The following GSN variants were observed in gnomAD, a reference collection of about 807,000 sequenced individuals.
The protein encoded by GSN is actin-depolymerizing factor.
A neutral mutation model predicts 85.7 loss-of-function variants in GSN; 56 were observed. The observed-to-expected ratio is 0.65, with a 90% CI of 0.53 to 0.82. The LOEUF (loss-of-function observed/expected upper bound fraction) is 0.82. GSN is among the 40% of genes least tolerant of loss of function. The probability of loss-of-function intolerance (pLI) is 0.00; values close to 1 mark genes in which losing one functional copy is unlikely to be tolerated. For synonymous variants in GSN, 373 were observed against 399.1 expected (o/e 0.93, Z 0.78); for missense variants, 857 against 979.8 (o/e 0.87, Z 1.67).
intron 1 of GSN, among the ~76,000 whole-genome samples, chr9:121,208,078 T>C (rs2053914272): frequency 6.6e-6 from 1 of 152,130 alleles, no homozygotes; most frequent in Non-Finnish European, 1.5e-5. Flanking sequence ...TAAGCCACTG[T>C]GCCTGGCCCA....
chr9:121,218,897 A>T (rs1401061387), intron 4 of GSN, among the ~76,000 whole-genome samples: 3 of 152,166 alleles, frequency 2.0e-5, no homozygotes, highest in Non-Finnish European at 2.9e-5. Flanking sequence ...CCATTTTGGT[A>T]CTGGCAACTT....
chr9:121,245,144 C>A (rs2054674758), intron 5 of GSN, among the ~76,000 whole-genome samples: 1 of 152,188 alleles, frequency 6.6e-6, no homozygotes, highest in Non-Finnish European at 1.5e-5. Context: ...AAATCACTAT[C>A]ATTCGATTCT....
Position 121,327,345 on chromosome 9 carries a change from C to G in GSN, c.1625C>G (p.Ala542Gly), listed in dbSNP as rs1488902911. 1.2e-6 allele frequency: 2 copies of G among 1,614,070 alleles called. No homozygotes were observed. Among genetic ancestry groups the G allele is most frequent in the East Asian group, 2.2e-5 (1 of 44,872 alleles). ...PKAGALNSND[A>G]FVLKTPSAAY... ...GCTGGTGCACTGAACTCCAACGATG[C>G]CTTTGTTCTGAAAACCCCCTCAGCC... Residue 542 changes from alanine to glycine, a missense_variant, in exon 14 of 18, where the codon GCC becomes GGC. Transcript: ENST00000432226.
chr9:121,326,505 C>A lies in GSN; in HGVS notation c.1417-7C>A. 1 of 1,613,322 alleles carries A rather than the reference C, an allele frequency of 6.2e-7. No homozygotes were observed. The highest frequency in any genetic ancestry group is 8.5e-7 in the Non-Finnish European group (1 of 1,179,748). ...GTCCCTGACTTGCTCTCCTGTCTCC[C>A]TGCCAGAGCCGTGTGGTCCAAGGCA... On this transcript the variant is annotated splice_polypyrimidine_tract_variant and splice_region_variant and intron_variant, in intron 12 of 17. Coordinates refer to ENST00000432226, the MANE Select transcript of GSN (RefSeq NM_198252.3).
intron 1 of GSN, chr9:121,209,164 T>A (rs1328718780): frequency 6.6e-6 from 1 of 152,144 alleles, no homozygotes. Flanking sequence ...ACCCCAGAAG[T>A]GGGCTGCAAA....
intron 2 of GSN, 62 bp from the exon 3 acceptor site, chr9:121,301,901 T>A (rs1294929487): frequency 3.0e-5 from 48 of 1,611,894 alleles, no homozygotes; most frequent in Non-Finnish European, 4.0e-5. Flanking sequence ...CCCTCCCTCA[T>A]GCCTGGGGTC....
At chr9:121,323,393 CAG>C (rs2062741611) in intron 11 of GSN, among the ~76,000 whole-genome samples, 2 of 30,844 alleles carry the variant, frequency 6.5e-5, no homozygotes, top group African/African-American at 9.9e-5. Context: ...TTTTTTTAGA[CAG>C]AGTCTTGCTC....
chr9:121,331,748 T>C, intron 17 of GSN: 1 of 319,862 alleles, frequency 3.1e-6, no homozygotes, highest in Non-Finnish European at 5.9e-6. Context: ...GCTGAACTTG[T>C]CAAGGTTTAG....
intron 1 of GSN, among the ~76,000 whole-genome samples, chr9:121,269,873 G>A (rs965962724): frequency 6.6e-5 from 10 of 152,158 alleles, no homozygotes; most frequent in African/African-American, 1.4e-4. Context: ...CTTCCTCCCC[G>A]CCTCCCTCCT....
intron 10 of GSN, among the ~76,000 whole-genome samples, chr9:121,320,713 G>A (rs1198873609): frequency 1.3e-5 from 2 of 151,910 alleles, no homozygotes; most frequent in Non-Finnish European, 2.9e-5. Context: ...AGAGGTAATG[G>A]TGATATTAGT....
intron 1 of GSN, among the ~76,000 whole-genome samples, chr9:121,273,587 T>G (rs2056282637): frequency 6.6e-6 from 1 of 152,190 alleles, no homozygotes; most frequent in Non-Finnish European, 1.5e-5. Flanking sequence ...AACACCTGGG[T>G]GCCCTTCCTT....
At chr9:121,257,913 T>G (rs985655988) in intron 6 of GSN, among the ~76,000 whole-genome samples, 1 of 151,978 alleles carries the variant, frequency 6.6e-6, no homozygotes, top group Non-Finnish European at 1.5e-5. Flanking sequence ...AGCCAGAGGC[T>G]CAGGAGGTTA....
At chr9:121,294,231 A>T (rs776705237) in intron 2 of GSN, among the ~76,000 whole-genome samples, 1 of 152,198 alleles carries the variant, frequency 6.6e-6, no homozygotes, top group African/African-American at 2.4e-5. Flanking sequence ...CGGTCCCAGC[A>T]TCTGCAGCCA....
At chr9:121,220,568 C>A (rs2054151834) in intron 4 of GSN, among the ~76,000 whole-genome samples, 1 of 152,232 alleles carries the variant, frequency 6.6e-6, no homozygotes, top group Admixed American at 6.5e-5. Context: ...CCGTCCAAAG[C>A]ATTTTCCAAG....
At chr9:121,266,684 C>G (rs781497048), upstream of GSN, among the ~76,000 whole-genome samples, 1 of 152,140 alleles carries the variant, frequency 6.6e-6, no homozygotes, top group Non-Finnish European at 1.5e-5. Context: ...AGTACTTAAC[C>G]CTTTCTGTGG....
At chr9:121,321,219 G>T in intron 10 of GSN, 49 bp from the exon 11 acceptor site, 1 of 1,603,710 alleles carries the variant, frequency 6.2e-7, no homozygotes, top group Non-Finnish European at 8.5e-7. Context: ...TGCCTGAGCT[G>T]GGGGGTGGGG....
At chr9:121,236,106 C>T (rs935763617) in intron 5 of GSN, among the ~76,000 whole-genome samples, 2 of 152,202 alleles carry the variant, frequency 1.3e-5, no homozygotes, top group South Asian at 2.1e-4. Flanking sequence ...TTCTCCAGAC[C>T]GCACTCCTAG....
intron 12 of GSN, among the ~76,000 whole-genome samples, chr9:121,326,052 GC>G (rs2063125902): frequency 6.6e-6 from 1 of 151,052 alleles, no homozygotes; most frequent in African/African-American, 2.4e-5. Context: ...CCACCACCAA[GC>G]CCCTGACTGC....
At chr9:121,315,963 T>C (rs2061664502) in intron 7 of GSN, among the ~76,000 whole-genome samples, 1 of 152,196 alleles carries the variant, frequency 6.6e-6, no homozygotes, top group Non-Finnish European at 1.5e-5. Context: ...TCTATAATTA[T>C]ACAAGTTATA....
Sources: gnomAD v4.1 joint callset for allele counts (sites outside exome capture counted in the v4.1 genomes callset) on GRCh38, gnomAD v4.1.1 for gene constraint, MANE v1.5 for transcripts, NCBI Gene and HGNC (gene_info 2026-07-23, HGNC 2026-07-21) for gene names.